Variants in ADAMTS17 observed in about 807,000 individuals in gnomAD.
The protein encoded by ADAMTS17 is ADAM metallopeptidase with thrombospondin type 1 motif 17, also known as A disintegrin and metalloproteinase with thrombospondin motifs 17.
Under a neutral mutation model 141.5 loss-of-function variants are expected in ADAMTS17, and 113 were observed. The observed-to-expected ratio is 0.80, with a 90% confidence interval of 0.69 to 0.93. The LOEUF is 0.93. ADAMTS17 is among the 40% of genes least tolerant of loss of function. The probability of loss-of-function intolerance (pLI) is 0.00; values close to 1 mark genes in which losing one functional copy is unlikely to be tolerated. For synonymous variants in ADAMTS17, 768 were observed against 630.6 expected (o/e 1.22, Z -3.27); for missense variants, 1,659 against 1,517.9 (o/e 1.09, Z -1.54).
rs774566774 is a variant in ADAMTS17 at position 99,993,179 on chromosome 15, C to T, written c.2818G>A (p.Gly940Arg). 8 of 1,614,082 alleles carry T rather than the reference C, an allele frequency of 5.0e-6. No homozygotes were observed. The highest frequency in any genetic ancestry group is 1.1e-5 in the South Asian group (1 of 91,088). Residue 940 changes from glycine (G) to arginine (R), a missense_variant, in exon 20 of 22, where the codon GGG becomes AGG. Coordinates refer to ENST00000268070, the MANE Select transcript of ADAMTS17 (RefSeq NM_139057.4). The surrounding 1 kb of genome is among the most constrained non-coding windows in gnomAD (Gnocchi z 4.3). ...WSQCSASCGK[G>R]VWKRTVACTN... is the part of the protein sequence containing the mutation. ...CACGCCACGGTCCGTTTCCACACCC[C>T]TTTACCACAGCTGGCAGAGCACTGC... is the stretch of plus-strand genomic sequence containing the variant.
chr15:100,159,170 C>G (rs1479209977), intron 8 of ADAMTS17, among the ~76,000 whole-genome samples: 1 of 152,176 alleles, frequency 6.6e-6, no homozygotes, highest in Non-Finnish European at 1.5e-5. Context: ...ACATCACTCC[C>G]ACGTTCAGTT....
chr15:100,249,852 A>G (rs1198723604), intron 7 of ADAMTS17, among the ~76,000 whole-genome samples: 1 of 152,202 alleles, frequency 6.6e-6, no homozygotes, highest in Non-Finnish European at 1.5e-5. Flanking sequence ...TTTTAAAAAC[A>G]CTCATTAAAA....
chr15:100,073,334 C>T (rs1417977829), intron 15 of ADAMTS17, among the ~76,000 whole-genome samples: 3 of 152,272 alleles, frequency 2.0e-5, no homozygotes, highest in South Asian at 2.1e-4. Flanking sequence ...ACTAGTTCAA[C>T]CATTGTGGAA....
chr15:100,035,564 A>G (rs2030625331), intron 18 of ADAMTS17, among the ~76,000 whole-genome samples: 1 of 152,046 alleles, frequency 6.6e-6, no homozygotes, highest in African/African-American at 2.4e-5. Context: ...GGAGGATGGC[A>G]CTTTTTTCAG....
At position 100,123,002 on chromosome 15, in the gene ADAMTS17, G is replaced by C. The variant is rs113738970; in HGVS notation, c.1722-5989C>G. 3.6e-3 allele frequency among the ~76,000 whole-genome samples: 553 copies of C among 152,332 alleles called. 5 individuals carry two copies. Among genetic ancestry groups the C allele is most frequent in the African/African-American group, 0.012 (515 of 41,562 alleles). On this transcript the variant is annotated intron_variant, in intron 12 of 21. Transcript: ENST00000268070. The stretch of plus-strand genomic sequence containing the variant: ...GAGAAGACAGAAGGAGAATCCTTGT[G>C]GGGGAGGGTGTGGCTGGCAGTTTCC...
chr15:100,341,371 G>A lies in ADAMTS17; in HGVS notation c.118C>T (p.Pro40Ser). The change falls in exon 2 of 22, where the codon CCG becomes TCG. Residue 40 changes from proline (P) to serine (S), a missense_variant. Physicochemically the swap from Pro to Ser is moderately conservative, Grantham distance 74 (BLOSUM62 -1). Coordinates refer to ENST00000268070, the MANE Select transcript of ADAMTS17 (RefSeq NM_139057.4). Reference protein sequence around the residue: ...DAAADVEVVLPWRVRPDDVHL... With the variant: ...DAAADVEVVLSWRVRPDDVHL... Reference sequence around the variant, plus strand: ...ACGTCGTCGGGGCGCACCCGCCACGGGAGCACCACCTCCACGTCGGCCGCC... The same window carrying A: ...ACGTCGTCGGGGCGCACCCGCCACGAGAGCACCACCTCCACGTCGGCCGCC... The A allele has an allele frequency of 9.8e-7, 1 of 1,018,010 alleles. No individual in the cohort carries two copies. Among genetic ancestry groups the A allele is most frequent in the Non-Finnish European group, 1.2e-6 (1 of 853,156 alleles). The allele number at this position is 1,018,010 out of a possible 1,614,324, so 63.1% of individuals were successfully genotyped here.
chr15:100,022,227 C>A (rs913709492), intron 18 of ADAMTS17, among the ~76,000 whole-genome samples: 1 of 152,130 alleles, frequency 6.6e-6, no homozygotes. Context: ...GGATGCAGGC[C>A]CCCAGCAGGC....
At chr15:100,215,137 G>T (rs922482223) in intron 7 of ADAMTS17, among the ~76,000 whole-genome samples, 2 of 152,232 alleles carry the variant, frequency 1.3e-5, no homozygotes, top group African/African-American at 4.8e-5. Flanking sequence ...TACAGCCAGA[G>T]GCAGCCCTCA....
intron 7 of ADAMTS17, among the ~76,000 whole-genome samples, chr15:100,207,701 C>G (rs2041630739): frequency 6.6e-6 from 1 of 152,126 alleles, no homozygotes; most frequent in Non-Finnish European, 1.5e-5. Context: ...AACACCTTAG[C>G]CAGCTGCATC....
chr15:100,271,917 T>A (rs12911806), intron 4 of ADAMTS17, among the ~76,000 whole-genome samples: 86,391 of 151,918 alleles, frequency 0.57, 24,776 homozygotes, highest in South Asian at 0.63. Context: ...AGGATCCAAC[T>A]TTGTTCTTTT....
At chr15:100,182,217 A>G (rs1278694739) in intron 8 of ADAMTS17, among the ~76,000 whole-genome samples, 1 of 152,228 alleles carries the variant, frequency 6.6e-6, no homozygotes, top group African/African-American at 2.4e-5. Flanking sequence ...CCAAAGGCAA[A>G]GGGGAAGCAA....
intron 8 of ADAMTS17, among the ~76,000 whole-genome samples, chr15:100,158,134 G>A (rs1396636653): frequency 6.6e-6 from 1 of 152,080 alleles, no homozygotes; most frequent in Admixed American, 6.5e-5. Flanking sequence ...TGATCCGCCC[G>A]CCTCGGCCTC....
chr15:100,097,586 A>G (rs1400412608), intron 14 of ADAMTS17, among the ~76,000 whole-genome samples: 1 of 152,240 alleles, frequency 6.6e-6, no homozygotes, highest in Non-Finnish European at 1.5e-5. Context: ...CAACTCCCCA[A>G]AGACATCAGC....
chr15:100,222,792 C>T (rs535961645), intron 7 of ADAMTS17, among the ~76,000 whole-genome samples: 79 of 152,356 alleles, frequency 5.2e-4, no homozygotes, highest in African/African-American at 1.7e-3. Flanking sequence ...GCCAACGTGG[C>T]TGCCATTAAG....
chr15:100,004,735 C>T (rs1225169829), intron 18 of ADAMTS17, among the ~76,000 whole-genome samples: 1 of 151,832 alleles, frequency 6.6e-6, no homozygotes, highest in African/African-American at 2.4e-5. Flanking sequence ...ATTCTGGTGC[C>T]TCAGCCTCCT....
At chr15:100,303,018 C>T (rs1050618081) in intron 3 of ADAMTS17, among the ~76,000 whole-genome samples, 1 of 151,484 alleles carries the variant, frequency 6.6e-6, no homozygotes, top group African/African-American at 2.4e-5. Flanking sequence ...GACTGGCTCT[C>T]CTTACTCCAT....
At chr15:99,985,573 G>A (rs928078056) in intron 20 of ADAMTS17, among the ~76,000 whole-genome samples, 1 of 152,128 alleles carries the variant, frequency 6.6e-6, no homozygotes, top group Non-Finnish European at 1.5e-5. Flanking sequence ...ACAGATACTT[G>A]ACTTAATAAC....
At chr15:100,292,242 C>T (rs531619504) in intron 3 of ADAMTS17, among the ~76,000 whole-genome samples, 2 of 145,292 alleles carry the variant, frequency 1.4e-5, no homozygotes, top group Non-Finnish European at 1.5e-5. Context: ...GAGACGCTCA[C>T]CCCGTGAGAA....
At chr15:100,323,173 A>G (rs953196015) in intron 3 of ADAMTS17, among the ~76,000 whole-genome samples, 4 of 151,732 alleles carry the variant, frequency 2.6e-5, no homozygotes, top group African/African-American at 9.7e-5. Context: ...ATTAATTTAT[A>G]GCATAATATT....
Sources: gnomAD v4.1 joint callset for allele counts (sites outside exome capture counted in the v4.1 genomes callset) on GRCh38, gnomAD v4.1.1 for gene constraint, Gnocchi (gnomAD v3.1) non-coding constraint, MANE v1.5 for transcripts, NCBI Gene and HGNC (gene_info 2026-07-23, HGNC 2026-07-21) for gene names.